MRPL9: variants seen among roughly 807,000 people sequenced by gnomAD.
MRPL9 encodes the protein large ribosomal subunit protein bL9m.
In MRPL9, 25 loss-of-function variants were observed where a neutral mutation model predicts 27.6. The ratio of observed to expected loss-of-function variants is 0.91; its 90% confidence interval spans 0.66 to 1.27. The LOEUF (loss-of-function observed/expected upper bound fraction) is 1.27, where lower values mean the gene tolerates loss of function less well. Ranked by LOEUF, MRPL9 falls within the 50% of genes most tolerant of loss-of-function variation. The pLI is 0.00. For missense variants in MRPL9, 362 were observed against 338.0 expected, an observed-to-expected ratio of 1.07 and a Z score of -0.56; for synonymous variants, 154 against 139.0, an observed-to-expected ratio of 1.11 and a Z score of -0.76.
In MRPL9 at chr1:151,762,152, T is replaced by C; in HGVS notation, c.439A>G (p.Arg147Gly). 6.2e-7 allele frequency: 1 copy of C among 1,614,138 alleles called. No homozygotes were observed. The highest frequency in any genetic ancestry group is 8.5e-7 in the Non-Finnish European group (1 of 1,180,000). ...KKLFEEEKLL[R>G]QEGKLEKIQT... Reference sequence around the variant, plus strand: ...ATCTTCTCTAATTTTCCTTCTTGTCTCAGCTAGAAAAGAAAGTTAAAGATG... The same window carrying C: ...ATCTTCTCTAATTTTCCTTCTTGTCCCAGCTAGAAAAGAAAGTTAAAGATG... The change falls in exon 4 of 7, where the codon AGA (arginine) becomes GGA (glycine). Residue 147 changes from arginine to glycine, a missense_variant. Arg to Gly is a moderately radical substitution (Grantham distance 125, BLOSUM62 -2). Transcript: ENST00000368830.
At chr1:151,762,062 G>T in intron 4 of MRPL9, 43 bp downstream of exon 4, 1 of 1,597,670 alleles carries the variant, frequency 6.3e-7, no homozygotes, top group South Asian at 1.1e-5. Flanking sequence ...GGTGAGGTTG[G>T]TAAGTCTTGT....
In MRPL9 at chr1:151,761,514, C is replaced by T. The variant is rs763308610; in HGVS notation, c.525G>A (p.Gly175=). The T allele has an allele frequency of 2.5e-6, 4 of 1,613,824 alleles. No homozygotes were observed. The highest frequency in any genetic ancestry group is 2.2e-5 in the South Asian group (2 of 91,068). Residue 175 remains glycine, a synonymous_variant, in exon 5 of 7, where the codon GGG becomes GGA. Coordinates refer to ENST00000368830, the MANE Select transcript of MRPL9 (RefSeq NM_031420.4). ...KFLKSCRLEV[G]MKNNVKWELN... Reference sequence around the variant, plus strand: ...GCTCCCATTTGACATTGTTCTTCATCCCTACCTCCAGGCGACAGCTTTTTA... The same window carrying T: ...GCTCCCATTTGACATTGTTCTTCATTCCTACCTCCAGGCGACAGCTTTTTA...
chr1:151,763,420 C>T lies in MRPL9; in HGVS notation c.60G>A (p.Arg20=). ...GRALLRAGAG[R]LLRGGVQELL... The stretch of plus-strand genomic sequence containing the variant: ...GCTCCTGGACGCCTCCCCGAAGCAG[C>T]CGTCCAGCGCCCGCCCGCAGCAGAG... The change falls in exon 1 of 7, where the codon CGG becomes CGA. Residue 20 remains arginine, a synonymous_variant. Coordinates refer to ENST00000368830, the MANE Select transcript of MRPL9 (RefSeq NM_031420.4). 6.4e-7 allele frequency: 1 copy of T among 1,565,132 alleles called. No homozygotes were observed. Among genetic ancestry groups the T allele is most frequent in the South Asian group, 1.2e-5 (1 of 85,500 alleles).
rs749334280 is a variant in MRPL9, at chr1:151,760,103, A to C, written c.751T>G (p.Trp251Gly). The change falls in exon 7 of 7, where the codon TGG (tryptophan) becomes GGG (glycine). Residue 251 changes from tryptophan to glycine, a missense_variant. Physicochemically the swap from Trp to Gly is radical, Grantham distance 184. Transcript: ENST00000368830. ...GCCTTGGCAGCTTGCTGGGCTAACC[A>C]GTACTTATATCTTTTGGTCTTGGGC... is the stretch of plus-strand genomic sequence containing the variant. ...EKPKTKRYKY[W>G]LAQQAAKAMA... 1.2e-6 allele frequency: 2 copies of C among 1,614,032 alleles called. No individual in the cohort carries two copies. The highest frequency in any genetic ancestry group is 2.7e-5 in the African/African-American group (2 of 74,902).
Position 151,763,112 on chromosome 1 carries a change from G to C in MRPL9, c.188C>G (p.Pro63Arg). ...CGGCTTCCGGCCCTCCCCGGCCAGC[G>C]GTACCTTCCACCAGCGCTCCACGAT... Reference protein sequence around the residue: ...TVIVERWWKVPLAGEGRKPRL... With the variant: ...TVIVERWWKVRLAGEGRKPRL... The change falls in exon 2 of 7, where the codon CCG becomes CGG. Residue 63 changes from proline to arginine, a missense_variant. Pro to Arg is a moderately radical substitution (Grantham distance 103). Coordinates refer to ENST00000368830, the MANE Select transcript of MRPL9 (RefSeq NM_031420.4). 6.2e-7 allele frequency: 1 copy of C among 1,613,918 alleles called. No individual in the cohort carries two copies.
Position 151,760,014 on chromosome 1 carries a change from C to A in MRPL9, c.*36G>T, listed in dbSNP as rs369057438. 107 of 1,605,620 alleles carry A rather than the reference C, an allele frequency of 6.7e-5. 1 individual carries two copies. In the African/African-American group the frequency reaches 1.4e-3, roughly 21 times the overall value. The stretch of plus-strand genomic sequence containing the variant: ...CTTGCACATTTCTGCTCCACTGCTC[C>A]CGATTCTGCTTTGCTGCCTTGGAGG... On this transcript the variant is annotated 3_prime_UTR_variant, in exon 7 of 7. Transcript: ENST00000368830.
At position 151,762,994 on chromosome 1, in the gene MRPL9, C is replaced by G; in HGVS notation, c.306G>C (p.Val102=). 6.2e-7 allele frequency: 1 copy of G among 1,614,154 alleles called. No homozygotes were observed. Among genetic ancestry groups the G allele is most frequent in the South Asian group, 1.1e-5 (1 of 91,074 alleles). Residue 102 remains valine, a synonymous_variant, in exon 2 of 7, where the codon GTG becomes GTC. Coordinates refer to ENST00000368830, the MANE Select transcript of MRPL9 (RefSeq NM_031420.4). ...ENLELILTQS[V]ENVGVRGDLV... ...GCGCCTCGGCCCGGGCCTTACTCTC[C>G]ACCGACTGCGTCAGGATGAGCTCCA... is the stretch of plus-strand genomic sequence containing the variant.
chr1:151,763,309 C>T lies in MRPL9; in HGVS notation c.153+18G>A, dbSNP rs1261310417. 1 of 1,593,622 alleles carries T rather than the reference C, an allele frequency of 6.3e-7. No homozygotes were observed. The highest frequency in any genetic ancestry group is 1.1e-5 in the South Asian group (1 of 88,232). ...ATACTCGAGCGTATCTACCCCCTAC[C>T]CCAGACTCAGCCCTCACCCGATTTT... On this transcript the variant is annotated intron_variant, in intron 1 of 6. Transcript: ENST00000368830.
At chr1:151,763,258 C>G in intron 1 of MRPL9, 69 bp downstream of exon 1, 1 of 1,541,520 alleles carries the variant, frequency 6.5e-7, no homozygotes, top group African/African-American at 1.4e-5. Flanking sequence ...CGGCCCCCTC[C>G]AGGTCCCAGT....
At chr1:151,760,955 G>A in intron 5 of MRPL9, 56 bp from the exon 6 acceptor site, 3 of 1,406,706 alleles carry the variant, frequency 2.1e-6, no homozygotes, top group Non-Finnish European at 2.8e-6. Context: ...CTGTTTTCAT[G>A]ACTGCCACTC....
rs779834024 is a variant in MRPL9, at chr1:151,763,394, AG to A, written c.85del (p.Leu29TyrfsTer70). 148 of 1,566,940 alleles carry A rather than the reference AG, an allele frequency of 9.4e-5. No individual in the cohort carries two copies. Among genetic ancestry groups the A allele is most frequent in the Non-Finnish European group, 1.3e-4 (146 of 1,155,174 alleles). On this transcript the variant is annotated frameshift_variant, in exon 1 of 7. Coordinates refer to ENST00000368830, the MANE Select transcript of MRPL9 (RefSeq NM_031420.4). LOFTEE classifies it high-confidence loss of function. ...GTTCCCTTCATGTCGCGGCCGCAGT[AG>A]CTCCTGGACGCCTCCCCGAAGCAGC... The part of the protein sequence containing the change: ...GRLLRGGVQE[L>X]LRPRHEGNAP...
chr1:151,760,591 A>G (rs1385816093), intron 6 of MRPL9, among the ~76,000 whole-genome samples: 2 of 150,102 alleles, frequency 1.3e-5, no homozygotes, highest in Non-Finnish European at 3.0e-5. Flanking sequence ...AAAAAAAAAA[A>G]AAAAAAAAAA....
intron 3 of MRPL9, 27 bp downstream of exon 3, chr1:151,762,349 G>A (rs1240635686): frequency 3.7e-6 from 6 of 1,613,592 alleles, no homozygotes. Context: ...ATCTCCCCAA[G>A]TCTCTCTGTC....
Position 151,759,846 on chromosome 1 carries a change from G to C in MRPL9, c.*204C>G. ...ATCAAATCTACAGCCTGGTACTTCT[G>C]GAACAGGACTTCCCTGCCCCAGTGA... On this transcript the variant is annotated 3_prime_UTR_variant, in exon 7 of 7. Transcript: ENST00000368830. The C allele has an allele frequency of 1.7e-6, 1 of 601,904 alleles. No homozygotes were observed. The highest frequency in any genetic ancestry group is 2.7e-6 in the Non-Finnish European group (1 of 377,148). The allele number at this position is 601,904 out of a possible 1,614,324, so 37.3% of individuals were successfully genotyped here. A position where few individuals can be genotyped will look rare whatever the true frequency, so the allele number is the denominator to read the frequency against.
intron 2 of MRPL9, 99 bp downstream of exon 2, chr1:151,762,891 C>T (rs755500626): frequency 5.3e-5 from 75 of 1,426,220 alleles, no homozygotes; most frequent in Non-Finnish European, 7.0e-5. Flanking sequence ...ATTGTTTCCA[C>T]AAAGAAAAAG....
Position 151,763,085 on chromosome 1 carries a change from C to A in MRPL9, c.215G>T (p.Arg72Leu), listed in dbSNP as rs1388987060. 1.9e-6 allele frequency: 3 copies of A among 1,614,054 alleles called. No homozygotes were observed. The South Asian group carries it at 3.3e-5, about 18-fold the overall frequency. The change falls in exon 2 of 7, where the codon CGC becomes CTC. Residue 72 changes from arginine (R) to leucine (L), a missense_variant. Arg to Leu is a moderately radical substitution (Grantham distance 102). Coordinates refer to ENST00000368830, the MANE Select transcript of MRPL9 (RefSeq NM_031420.4). ...ATAGACGCGATGTCGCCGGTGCAGG[C>A]GCGGCTTCCGGCCCTCCCCGGCCAG... ...VPLAGEGRKP[R>L]LHRRHRVYKL...
Position 151,761,440 on chromosome 1 carries a change from C to T in MRPL9, c.588+11G>A. On this transcript the variant is annotated intron_variant, in intron 5 of 6. Transcript: ENST00000368830. ...TCAGGGGTAGAGTGGTTTTTGGGAA[C>T]ACTCACTCACATTCTTAAAGAAGTG... The T allele has an allele frequency of 6.2e-7, 1 of 1,600,290 alleles. No individual in the cohort carries two copies. Among genetic ancestry groups the T allele is most frequent in the Non-Finnish European group, 8.6e-7 (1 of 1,167,562 alleles).
Position 151,762,432 on chromosome 1 carries a change from CCT to C in MRPL9, c.377_378del (p.Gln126ArgfsTer9). On this transcript the variant is annotated frameshift_variant, in exon 3 of 7. Coordinates refer to ENST00000368830, the MANE Select transcript of MRPL9 (RefSeq NM_031420.4). LOFTEE classifies it high-confidence loss of function. ...KSLGRNRLLP[Q>X]GLAVYASPEN... ...TCAGGGGATGCATATACAGCCAGTCCCTGAGGAAGGAGTCGATTCCGGCCTAA... is the reference window on the plus strand; with the variant it reads ...TCAGGGGATGCATATACAGCCAGTCCGAGGAAGGAGTCGATTCCGGCCTAA... The C allele has an allele frequency of 6.2e-7, 1 of 1,614,092 alleles. No individual in the cohort carries two copies. Among genetic ancestry groups the C allele is most frequent in the Non-Finnish European group, 8.5e-7 (1 of 1,180,008 alleles).
Position 151,762,089 on chromosome 1 carries a change from TTA to T in MRPL9, c.486+14_486+15del. 1 of 1,613,832 alleles carries T rather than the reference TTA, an allele frequency of 6.2e-7. No individual in the cohort carries two copies. Among genetic ancestry groups the T allele is most frequent in the Non-Finnish European group, 8.5e-7 (1 of 1,179,738 alleles). ...AAGTCTTGTGACAAATAAACACTTT[TTA>T]TGTTTCTACTCACCGCCTCACCTGC... On this transcript the variant is annotated intron_variant, in intron 4 of 6. Coordinates refer to ENST00000368830, the MANE Select transcript of MRPL9 (RefSeq NM_031420.4).
Sources: gnomAD v4.1 joint callset for allele counts (sites outside exome capture counted in the v4.1 genomes callset) on GRCh38, gnomAD v4.1.1 for gene constraint, MANE v1.5 for transcripts, NCBI Gene and HGNC (gene_info 2026-07-23, HGNC 2026-07-21) for gene names.